Variants in RANBP2 observed in about 807,000 individuals in gnomAD.
RANBP2 encodes RAN binding protein 2.
In RANBP2, 57 loss-of-function variants were observed where a neutral mutation model predicts 303.6. The ratio of observed to expected loss-of-function variants is 0.19; its 90% CI spans 0.15 to 0.23. RANBP2 has a LOEUF of 0.23. RANBP2 is among the 10% of genes least tolerant of loss of function. RANBP2 has a pLI of 1.00. For synonymous variants in RANBP2, 1,167 were observed against 1,301.5 expected (o/e 0.90, Z 2.23); for missense variants, 3,138 against 3,780.8 (o/e 0.83, Z 4.46).
the RANBP2 span, among the ~76,000 whole-genome samples, chr2:108,845,228 A>G: frequency 1.3e-5 from 2 of 152,074 alleles, no homozygotes; most frequent in Admixed American, 6.6e-5. Flanking sequence ...TTTTTTTTCT[A>G]ATAATATAAA....
chr2:109,731,149 C>G, the RANBP2 span, among the ~76,000 whole-genome samples: 2 of 152,228 alleles, frequency 1.3e-5, no homozygotes, highest in Admixed American at 1.3e-4. Flanking sequence ...AAATGCCCCA[C>G]CTTCTAACAT....
chr2:108,820,695 AGTG>A, the RANBP2 span, among the ~76,000 whole-genome samples: 13 of 90,854 alleles, frequency 1.4e-4, no homozygotes, highest in African/African-American at 5.5e-4. Context: ...ATACATTCAA[AGTG>A]CAAAAAAAAA....
the RANBP2 span, among the ~76,000 whole-genome samples, chr2:109,419,878 G>T: frequency 2.0e-5 from 3 of 152,240 alleles, no homozygotes; most frequent in Non-Finnish European, 4.4e-5. Context: ...GATATTCAGA[G>T]TATTCACAGT....
the RANBP2 span, among the ~76,000 whole-genome samples, chr2:109,279,819 A>G: frequency 9.9e-5 from 15 of 152,224 alleles, no homozygotes; most frequent in African/African-American, 3.6e-4. Flanking sequence ...GGGAGGATCT[A>G]TCAGGAGTGT....
At chr2:109,258,854 TG>T in the RANBP2 span, among the ~76,000 whole-genome samples, 1 of 152,236 alleles carries the variant, frequency 6.6e-6, no homozygotes, top group Non-Finnish European at 1.5e-5. Context: ...CTGATGTCCT[TG>T]GCTGTGCTGG....
At chr2:108,729,284 C>T in intron 2 of RANBP2, 85 bp downstream of exon 2, 1 of 1,349,338 alleles carries the variant, frequency 7.4e-7, no homozygotes, top group Non-Finnish European at 1.0e-6. Context: ...AAAATATGTT[C>T]TTAGTAGTTC....
At chr2:109,359,298 A>G in the RANBP2 span, among the ~76,000 whole-genome samples, 3 of 152,222 alleles carry the variant, frequency 2.0e-5, no homozygotes, top group African/African-American at 7.2e-5. Flanking sequence ...GTTGGTCAAT[A>G]TTCACAAAAG....
the RANBP2 span, among the ~76,000 whole-genome samples, chr2:109,133,804 T>G: frequency 2.6e-5 from 4 of 151,648 alleles, no homozygotes; most frequent in African/African-American, 9.7e-5. Context: ...GCATTATGAG[T>G]ACAACTTGCA....
chr2:109,191,737 C>G, the RANBP2 span, among the ~76,000 whole-genome samples: 2 of 152,130 alleles, frequency 1.3e-5, no homozygotes, highest in Non-Finnish European at 2.9e-5. Flanking sequence ...GAGGGGAAGC[C>G]CTGAGCCAGG....
the RANBP2 span, chr2:109,567,976 C>T: frequency 6.3e-7 from 1 of 1,578,250 alleles, no homozygotes; most frequent in East Asian, 2.2e-5. Context: ...ATAATGTTTA[C>T]CTATTAAGAA....
downstream of RANBP2, among the ~76,000 whole-genome samples, chr2:108,787,615 A>G (rs570538939): frequency 2.0e-5 from 3 of 152,352 alleles, no homozygotes; most frequent in Non-Finnish European, 2.9e-5. Flanking sequence ...TTCCTAGTGC[A>G]GATCCGACCC....
the RANBP2 span, among the ~76,000 whole-genome samples, chr2:109,099,157 T>A: frequency 6.6e-6 from 1 of 152,192 alleles, no homozygotes; most frequent in Non-Finnish European, 1.5e-5. Flanking sequence ...CAGGAGGAGC[T>A]ATGAATATTC....
At chr2:109,537,716 C>T in the RANBP2 span, among the ~76,000 whole-genome samples, 12 of 152,042 alleles carry the variant, frequency 7.9e-5, no homozygotes, top group African/African-American at 1.7e-4. Context: ...GAGGCTGGGG[C>T]GGGCGGACTG....
chr2:108,901,361 C>A, the RANBP2 span, among the ~76,000 whole-genome samples: 31 of 152,094 alleles, frequency 2.0e-4, no homozygotes, highest in African/African-American at 7.2e-4. Flanking sequence ...AGGACAGATA[C>A]ATACAAAGGA....
the RANBP2 span, among the ~76,000 whole-genome samples, chr2:109,754,976 C>CTTTT: frequency 8.4e-4 from 6 of 7,174 alleles, no homozygotes; most frequent in East Asian, 5.6e-3. Context: ...GGGTTTCTTT[C>CTTTT]TTTTTTTTTT....
the RANBP2 span, among the ~76,000 whole-genome samples, chr2:109,207,684 A>AT: frequency 6.6e-6 from 1 of 152,110 alleles, no homozygotes; most frequent in Non-Finnish European, 1.5e-5. Context: ...TTGGAAAGCT[A>AT]TTTTCACATG....
the RANBP2 span, among the ~76,000 whole-genome samples, chr2:109,426,993 G>T: frequency 2.6e-5 from 4 of 151,458 alleles, no homozygotes; most frequent in African/African-American, 9.7e-5. Context: ...TTTTTGAGAC[G>T]AGTCTCGCTC....
chr2:109,654,990 C>T, the RANBP2 span, among the ~76,000 whole-genome samples: 2 of 151,606 alleles, frequency 1.3e-5, no homozygotes, highest in Non-Finnish European at 2.9e-5. Flanking sequence ...GCAACCTCTG[C>T]TTCCTGGTTT....
At chr2:109,001,962 C>A in the RANBP2 span, among the ~76,000 whole-genome samples, 2 of 152,212 alleles carry the variant, frequency 1.3e-5, no homozygotes, top group Admixed American at 1.3e-4. Context: ...GATCTCCTGA[C>A]CTCATGATCC....
Sources: gnomAD v4.1 joint callset for allele counts (sites outside exome capture counted in the v4.1 genomes callset) on GRCh38, gnomAD v4.1.1 for gene constraint, MANE v1.5 for transcripts, NCBI Gene and HGNC (gene_info 2026-07-23, HGNC 2026-07-21) for gene names.